The following DENND4C variants were observed in gnomAD, a reference collection of about 807,000 sequenced individuals.
DENND4C encodes the protein DENN domain-containing protein 4C.
Under a neutral mutation model 203.0 loss-of-function variants are expected in DENND4C, and 108 were observed. That is an observed-to-expected ratio of 0.53 (90% CI 0.46 to 0.62). The LOEUF (loss-of-function observed/expected upper bound fraction) is 0.62. Ranked by LOEUF, DENND4C falls within the 20% of genes least tolerant of loss-of-function variation. DENND4C has a pLI of 0.00. For missense variants in DENND4C, 2,481 were observed against 2,301.2 expected (o/e 1.08, Z -1.60); for synonymous variants, 871 against 792.4 (o/e 1.10, Z -1.67).
intron 1 of DENND4C, among the ~76,000 whole-genome samples, chr9:19,269,328 T>C (rs1042533888): frequency 6.6e-6 from 1 of 152,006 alleles, no homozygotes; most frequent in African/African-American, 2.4e-5. Flanking sequence ...GCCCGGCTAA[T>C]TTGTATTTTT....
chr9:19,237,124 G>A (rs1822165681), intron 1 of DENND4C, among the ~76,000 whole-genome samples: 1 of 152,034 alleles, frequency 6.6e-6, no homozygotes, highest in Non-Finnish European at 1.5e-5. Flanking sequence ...CGGTTCAAGC[G>A]ATTCTCCTGC....
At chr9:19,295,545 C>G (rs1039041645) in intron 5 of DENND4C, among the ~76,000 whole-genome samples, 2 of 151,446 alleles carry the variant, frequency 1.3e-5, no homozygotes, top group Non-Finnish European at 2.9e-5. Flanking sequence ...TGTGGTGGCA[C>G]ATGCCTGTAA....
chr9:19,367,536 G>T (rs954806981), intron 30 of DENND4C, among the ~76,000 whole-genome samples: 1 of 152,252 alleles, frequency 6.6e-6, no homozygotes, highest in African/African-American at 2.4e-5. Flanking sequence ...AGGAGTTCGA[G>T]ACCAACCTGG....
intron 2 of DENND4C, among the ~76,000 whole-genome samples, chr9:19,277,674 TG>T (rs1197201310): frequency 2.0e-5 from 3 of 152,038 alleles, no homozygotes; most frequent in Non-Finnish European, 4.4e-5. Context: ...GTAATTACTC[TG>T]GCTAGAACTT....
intron 1 of DENND4C, among the ~76,000 whole-genome samples, chr9:19,273,541 T>C (rs1832217990): frequency 6.6e-6 from 1 of 151,952 alleles, no homozygotes; most frequent in African/African-American, 2.4e-5. Flanking sequence ...ATATGTCTGA[T>C]AGATGACTTG....
At chr9:19,367,078 A>T (rs913950057) in intron 30 of DENND4C, among the ~76,000 whole-genome samples, 4 of 152,242 alleles carry the variant, frequency 2.6e-5, no homozygotes, top group Non-Finnish European at 5.9e-5. Flanking sequence ...TCAAATGGCC[A>T]AAAGCTCATG....
intron 12 of DENND4C, among the ~76,000 whole-genome samples, chr9:19,319,329 T>C (rs1203696375): frequency 1.0e-4 from 3 of 28,950 alleles, no homozygotes; most frequent in African/African-American, 2.6e-4. Context: ...TATATATACA[T>C]ATATATACAC....
chr9:19,293,491 G>A (rs1285117943), intron 5 of DENND4C, among the ~76,000 whole-genome samples: 3 of 152,102 alleles, frequency 2.0e-5, no homozygotes, highest in Non-Finnish European at 4.4e-5. Flanking sequence ...TTGTATCTGG[G>A]AATGTGTGTG....
chr9:19,308,118 T>TCTAG (rs1840047265), intron 10 of DENND4C, among the ~76,000 whole-genome samples: 1 of 152,196 alleles, frequency 6.6e-6, no homozygotes, highest in Non-Finnish European at 1.5e-5. Context: ...CTAGGTTGTA[T>TCTAG]CTAGATCTTT....
In DENND4C at chr9:19,336,838, A is replaced by G; in HGVS notation, c.2881+6A>G. ...TGATAATCACTCTAGCACAGGTACTAAAATCCAGATTTTACTAACCCTTCA... is the reference window on the plus strand; with the variant it reads ...TGATAATCACTCTAGCACAGGTACTGAAATCCAGATTTTACTAACCCTTCA... On this transcript the variant is annotated splice_donor_region_variant and intron_variant, in intron 20 of 32. Coordinates refer to ENST00000434457, the MANE Select transcript of DENND4C (RefSeq NM_001330640.2). 6.5e-7 allele frequency: 1 copy of G among 1,545,038 alleles called. No homozygotes were observed. Among genetic ancestry groups the G allele is most frequent in the Non-Finnish European group, 8.7e-7 (1 of 1,144,898 alleles).
At chr9:19,280,380 C>T (rs1443931975) in intron 2 of DENND4C, among the ~76,000 whole-genome samples, 2 of 152,080 alleles carry the variant, frequency 1.3e-5, no homozygotes, top group Non-Finnish European at 2.9e-5. Flanking sequence ...CTCCTGACCT[C>T]GTGATCCACC....
chr9:19,315,521 A>G (rs1032994790), intron 10 of DENND4C, among the ~76,000 whole-genome samples: 6 of 150,974 alleles, frequency 4.0e-5, no homozygotes, highest in African/African-American at 7.3e-5. Context: ...ATGTATATAC[A>G]TGTATATATG....
intron 17 of DENND4C, among the ~76,000 whole-genome samples, chr9:19,333,076 A>G (rs1482547759): frequency 6.6e-6 from 1 of 151,820 alleles, no homozygotes; most frequent in Non-Finnish European, 1.5e-5. Flanking sequence ...GTGCAGTGGC[A>G]CTGTCACAGC....
chr9:19,290,569 G>A (rs1836086184), intron 4 of DENND4C, 135 bp from the exon 5 acceptor site: 13 of 561,774 alleles, frequency 2.3e-5, no homozygotes, highest in Non-Finnish European at 3.6e-5. Context: ...TATAGCAAGG[G>A]GGAAATCAAT....
At chr9:19,322,172 T>C (rs1588917055) in intron 12 of DENND4C, among the ~76,000 whole-genome samples, 3 of 152,240 alleles carry the variant, frequency 2.0e-5, no homozygotes, top group Admixed American at 2.0e-4. Context: ...TTAAATTGAT[T>C]CCAGAAATGT....
At chr9:19,339,408 G>A (rs1821132222) in intron 20 of DENND4C, among the ~76,000 whole-genome samples, 1 of 152,052 alleles carries the variant, frequency 6.6e-6, no homozygotes, top group South Asian at 2.1e-4. Flanking sequence ...CCTTTTTGAA[G>A]AATTCATTTT....
chr9:19,333,564 A>G (rs536066272), intron 17 of DENND4C, among the ~76,000 whole-genome samples: 9 of 152,192 alleles, frequency 5.9e-5, no homozygotes, highest in Non-Finnish European at 8.8e-5. Context: ...TGAGGTAGAT[A>G]ATAATAGTTA....
Position 19,265,935 on chromosome 9 carries a change from T to C in DENND4C, c.-17-10223T>C, listed in dbSNP as rs899592395. 3.3e-5 allele frequency among the ~76,000 whole-genome samples: 5 copies of C among 152,354 alleles called. No homozygotes were observed. In the East Asian group the frequency reaches 9.6e-4, roughly 29 times the overall value. On this transcript the variant is annotated intron_variant, in intron 1 of 32. Transcript: ENST00000434457. ...ACATATGTGTGCATGTGTGTCTTTATAGCAGCATGATTTTTAATCCTTTGG... is the reference window on the plus strand; with the variant it reads ...ACATATGTGTGCATGTGTGTCTTTACAGCAGCATGATTTTTAATCCTTTGG...
chr9:19,273,773 G>T (rs191772867), intron 1 of DENND4C, among the ~76,000 whole-genome samples: 1 of 151,990 alleles, frequency 6.6e-6, no homozygotes, highest in Non-Finnish European at 1.5e-5. Flanking sequence ...ATCTTACAAC[G>T]TGTTGAAGAG....
Sources: gnomAD v4.1 joint callset for allele counts (sites outside exome capture counted in the v4.1 genomes callset) on GRCh38, gnomAD v4.1.1 for gene constraint, MANE v1.5 for transcripts, NCBI Gene and HGNC (gene_info 2026-07-23, HGNC 2026-07-21) for gene names.